Variants in NAV1 observed in about 807,000 individuals in gnomAD.
NAV1 encodes pore membrane and/or filament interacting like protein 3.
In NAV1, 18 loss-of-function variants were observed where a neutral mutation model predicts 175.2. The observed-to-expected ratio is 0.10, with a 90% CI of 0.07 to 0.15. The LOEUF (loss-of-function observed/expected upper bound fraction) is 0.15. Ranked by LOEUF, NAV1 falls within the 10% of genes least tolerant of loss-of-function variation. The probability of loss-of-function intolerance (pLI) is 1.00; values close to 1 mark genes in which losing one functional copy is unlikely to be tolerated. For synonymous variants in NAV1, 897 were observed against 978.7 expected (o/e 0.92, Z 1.56); for missense variants, 1,731 against 2,436.6 (o/e 0.71, Z 6.10).
chr1:201,797,211 T>C (rs1677508535), intron 15 of NAV1: 1 of 152,244 alleles, frequency 6.6e-6, no homozygotes, highest in South Asian at 2.1e-4. Context: ...TATCCAGTTG[T>C]TCCAGCATCA....
intron 2 of NAV1, among the ~76,000 whole-genome samples, chr1:201,594,384 C>T (rs1183459010): frequency 6.6e-6 from 1 of 152,164 alleles, no homozygotes; most frequent in Non-Finnish European, 1.5e-5. Context: ...GCTTGTGGAG[C>T]TCCCAGGCTG....
chr1:201,695,631 C>A (rs1040813209), intron 1 of NAV1, among the ~76,000 whole-genome samples: 1 of 152,222 alleles, frequency 6.6e-6, no homozygotes, highest in African/African-American at 2.4e-5. Context: ...TCCGAAGGTG[C>A]CTGGTGACTG....
At chr1:201,717,470 AT>A (rs1481358936) in intron 2 of NAV1, among the ~76,000 whole-genome samples, 1 of 152,138 alleles carries the variant, frequency 6.6e-6, no homozygotes, top group Admixed American at 6.5e-5. Flanking sequence ...CTTCAACCAG[AT>A]TCCAGTTGTA....
At chr1:201,722,301 C>T (rs1478216529) in intron 3 of NAV1, among the ~76,000 whole-genome samples, 3 of 152,162 alleles carry the variant, frequency 2.0e-5, no homozygotes, top group African/African-American at 4.8e-5. Context: ...TTCTACTTTT[C>T]GTCTCTATGA....
chr1:201,611,752 A>G (rs1667852502), intron 2 of NAV1, among the ~76,000 whole-genome samples: 1 of 152,204 alleles, frequency 6.6e-6, no homozygotes, highest in African/African-American at 2.4e-5. Context: ...CTGTGAGCAC[A>G]CTGCTGGAGG....
At chr1:201,584,398 CAG>C (rs1195933913) in intron 1 of NAV1, among the ~76,000 whole-genome samples, 2 of 152,206 alleles carry the variant, frequency 1.3e-5, no homozygotes. Context: ...TTAGATTCTC[CAG>C]AGTCATAATG....
chr1:201,766,273 G>A (rs1423014052), intron 3 of NAV1, among the ~76,000 whole-genome samples: 1 of 152,014 alleles, frequency 6.6e-6, no homozygotes, highest in Non-Finnish European at 1.5e-5. Flanking sequence ...TCCTCCCATT[G>A]CCTGGCTTTG....
chr1:201,721,814 A>G (rs1295230854), intron 3 of NAV1, among the ~76,000 whole-genome samples: 1 of 152,214 alleles, frequency 6.6e-6, no homozygotes, highest in African/African-American at 2.4e-5. Context: ...AGTGAGCCAT[A>G]AAAGATGACA....
chr1:201,628,059 A>G (rs1211932982), intron 1 of NAV1, among the ~76,000 whole-genome samples: 1 of 151,732 alleles, frequency 6.6e-6, no homozygotes, highest in Non-Finnish European at 1.5e-5. Context: ...GGATCATTTA[A>G]GCTCAGGAAA....
At chr1:201,725,139 A>G (rs239970) in intron 3 of NAV1, among the ~76,000 whole-genome samples, 2 of 151,980 alleles carry the variant, frequency 1.3e-5, no homozygotes, top group African/African-American at 4.8e-5. Flanking sequence ...CAACCCAGCC[A>G]CCCTCATCGA....
At position 201,732,675 on chromosome 1, in the gene NAV1, T is replaced by C. The variant is rs140237436; in HGVS notation, c.1226+13920T>C. The stretch of plus-strand genomic sequence containing the variant: ...TCTGAAAGGAATGCCCACCTTGTGA[T>C]ATTTGCTCATACATTCCACAAACAC... On this transcript the variant is annotated intron_variant, in intron 3 of 29. Transcript: ENST00000367296. Among the ~76,000 whole-genome samples the C allele has an allele frequency of 5.1e-3, 778 of 152,388 alleles. 3 individuals are homozygous for C. The highest frequency in any genetic ancestry group is 0.02 in the Middle Eastern group (6 of 294).
Position 201,633,994 on chromosome 1 carries a change from G to A in NAV1, c.4+4487G>A, listed in dbSNP as rs114276619. Among the ~76,000 whole-genome samples, 711 of 152,270 alleles carry A rather than the reference G, an allele frequency of 4.7e-3. 7 individuals are homozygous for A. The highest frequency in any genetic ancestry group is 0.016 in the African/African-American group (673 of 41,550). Reference sequence around the variant, plus strand: ...CTTGTAGCAGCAGCCGACACTTACCGTGGCTTACTGTGAACCAGGCATTGT... The same window carrying A: ...CTTGTAGCAGCAGCCGACACTTACCATGGCTTACTGTGAACCAGGCATTGT... On this transcript the variant is annotated intron_variant, in intron 2 of 29. Transcript: ENST00000367302.
chr1:201,708,002 C>T (rs1243128697), intron 1 of NAV1, among the ~76,000 whole-genome samples: 6 of 152,140 alleles, frequency 3.9e-5, no homozygotes, highest in African/African-American at 1.4e-4. Flanking sequence ...GAAAATGCCT[C>T]GTGGTGAACA....
At chr1:201,595,904 A>G (rs1194023944) in intron 2 of NAV1, among the ~76,000 whole-genome samples, 2 of 152,154 alleles carry the variant, frequency 1.3e-5, no homozygotes, top group Non-Finnish European at 2.9e-5. Flanking sequence ...TCATTAACTA[A>G]CTGTGGTTAA....
chr1:201,540,953 G>A (rs1665495767), intron 1 of NAV1, among the ~76,000 whole-genome samples: 1 of 152,178 alleles, frequency 6.6e-6, no homozygotes, highest in Admixed American at 6.5e-5. Flanking sequence ...AGCCCCTAGG[G>A]TCTATTTCCT....
chr1:201,556,983 G>A (rs552152503), intron 1 of NAV1, among the ~76,000 whole-genome samples: 1 of 152,324 alleles, frequency 6.6e-6, no homozygotes, highest in East Asian at 1.9e-4. Context: ...GAGTCAGCCA[G>A]GGTCCCGGGA....
At chr1:201,770,489 C>G (rs1675503865) in intron 3 of NAV1, among the ~76,000 whole-genome samples, 1 of 151,860 alleles carries the variant, frequency 6.6e-6, no homozygotes, top group Admixed American at 6.6e-5. Flanking sequence ...CACTATCACT[C>G]TCATCTTAAC....
At chr1:201,731,307 C>T (rs1199903554) in intron 3 of NAV1, among the ~76,000 whole-genome samples, 1 of 151,962 alleles carries the variant, frequency 6.6e-6, no homozygotes, top group Non-Finnish European at 1.5e-5. Context: ...GCTGTGTGTG[C>T]ACAAGATCGA....
intron 1 of NAV1, among the ~76,000 whole-genome samples, chr1:201,576,007 A>T (rs1157486085): frequency 6.6e-6 from 1 of 152,188 alleles, no homozygotes; most frequent in Non-Finnish European, 1.5e-5. Flanking sequence ...GATCCTGGAT[A>T]CCCTTTACCC....
Sources: gnomAD v4.1 joint callset for allele counts (sites outside exome capture counted in the v4.1 genomes callset) on GRCh38, gnomAD v4.1.1 for gene constraint, MANE v1.5 for transcripts, NCBI Gene and HGNC (gene_info 2026-07-23, HGNC 2026-07-21) for gene names.